Variants in PCDH11X observed in about 807,000 individuals in gnomAD.
PCDH11X encodes the protein protocadherin 11 X-linked, also known as protocadherin-11 X-linked.
In PCDH11X, 18 loss-of-function variants were observed where a neutral mutation model predicts 53.3. That is an observed-to-expected ratio of 0.34 (90% CI 0.23 to 0.50). The LOEUF is 0.50. Ranked by LOEUF, PCDH11X falls within the 20% of genes least tolerant of loss-of-function variation. The probability of loss-of-function intolerance (pLI) is 0.98; values close to 1 mark genes in which losing one functional copy is unlikely to be tolerated. For missense variants in PCDH11X, 570 were observed against 1,032.4 expected (o/e 0.55, Z 6.14); for synonymous variants, 279 against 393.3 (o/e 0.71, Z 3.44).
intron 6 of PCDH11X, among the ~76,000 whole-genome samples, chrX:92,198,903 A>G (rs184887634): frequency 3.9e-3 from 438 of 111,641 alleles, no homozygotes; most frequent in African/African-American, 0.013. Context: ...CTCTTCATCA[A>G]TGCTTCTTAT....
chrX:92,193,226 T>G (rs2066230964), intron 6 of PCDH11X, among the ~76,000 whole-genome samples: 1 of 112,172 alleles, frequency 8.9e-6, no homozygotes, highest in Admixed American at 9.5e-5. Flanking sequence ...TTTTATGTGT[T>G]TGTGTTCTAG....
chrX:91,991,354 T>A (rs1160903962), intron 6 of PCDH11X, among the ~76,000 whole-genome samples: 2 of 79,287 alleles, frequency 2.5e-5, no homozygotes, highest in Admixed American at 1.4e-4. Flanking sequence ...AAGACTTTCT[T>A]TTTTTTTTTT....
intron 6 of PCDH11X, among the ~76,000 whole-genome samples, chrX:92,132,655 A>G (rs199653478): frequency 4.1e-4 from 23 of 55,488 alleles, no homozygotes; most frequent in Admixed American, 1.5e-3. Flanking sequence ...ATATATATAT[A>G]TGTATATATA....
intron 6 of PCDH11X, among the ~76,000 whole-genome samples, chrX:91,926,872 G>A (rs1241461201): frequency 1.8e-5 from 2 of 110,530 alleles, no homozygotes; most frequent in Admixed American, 9.7e-5. Flanking sequence ...TTTAACTATA[G>A]TCATCCTACA....
chrX:92,402,817 T>A (rs907643052), intron 9 of PCDH11X, among the ~76,000 whole-genome samples: 1 of 111,331 alleles, frequency 9.0e-6, no homozygotes, highest in Non-Finnish European at 1.9e-5. Flanking sequence ...AAAATAACTA[T>A]CAATAGAGTA....
intron 9 of PCDH11X, among the ~76,000 whole-genome samples, chrX:92,441,749 C>T (rs1369707715): frequency 1.8e-5 from 2 of 111,840 alleles, no homozygotes; most frequent in Non-Finnish European, 3.8e-5. Flanking sequence ...GGGGTCGGCA[C>T]CCACACACAG....
intron 10 of PCDH11X, among the ~76,000 whole-genome samples, chrX:92,611,947 A>G (rs1237147170): frequency 1.9e-5 from 2 of 103,706 alleles, no homozygotes; most frequent in East Asian, 6.0e-4. Flanking sequence ...CACAGTCTTC[A>G]CGGTCAATTA....
intron 6 of PCDH11X, among the ~76,000 whole-genome samples, chrX:91,954,019 G>A (rs1333928478): frequency 9.1e-6 from 1 of 110,086 alleles, no homozygotes; most frequent in Non-Finnish European, 1.9e-5. Flanking sequence ...TGTTACATAG[G>A]AAAACGTGTC....
At chrX:91,789,051 A>C (rs1250745328) in intron 1 of PCDH11X, among the ~76,000 whole-genome samples, 1 of 107,214 alleles carries the variant, frequency 9.3e-6, no homozygotes, top group Non-Finnish European at 1.9e-5. Context: ...AAATTACAAA[A>C]ATTAGCTGGG....
intron 8 of PCDH11X, among the ~76,000 whole-genome samples, chrX:92,343,293 G>T (rs145532212): frequency 0.02 from 2,276 of 111,392 alleles, 52 homozygotes; most frequent in African/African-American, 0.07. Context: ...AAGAATATTG[G>T]TATAAGCCTA....
chrX:91,900,563 C>T (rs1940915767), intron 6 of PCDH11X, among the ~76,000 whole-genome samples: 1 of 109,928 alleles, frequency 9.1e-6, no homozygotes, highest in Admixed American at 9.8e-5. Context: ...TTCTATCAAT[C>T]CAGCTGCTTC....
At chrX:91,822,666 T>C (rs1279891785) in intron 4 of PCDH11X, among the ~76,000 whole-genome samples, 1 of 104,321 alleles carries the variant, frequency 9.6e-6, no homozygotes, top group Admixed American at 1.0e-4. Flanking sequence ...TTTGTGTCTC[T>C]ATTTCCTTCA....
At chrX:92,534,230 C>T (rs2074613230) in intron 10 of PCDH11X, among the ~76,000 whole-genome samples, 1 of 111,044 alleles carries the variant, frequency 9.0e-6, no homozygotes, top group Non-Finnish European at 1.9e-5. Context: ...GAGCTGAAAA[C>T]CATGGCACGA....
chrX:92,069,276 G>A (rs1446489844), intron 6 of PCDH11X, among the ~76,000 whole-genome samples: 3 of 108,186 alleles, frequency 2.8e-5, no homozygotes, highest in Non-Finnish European at 5.7e-5. Context: ...TTTGTCTAAT[G>A]TCACTATACA....
intron 8 of PCDH11X, among the ~76,000 whole-genome samples, chrX:92,311,133 T>C (rs908047226): frequency 1.8e-5 from 2 of 110,755 alleles, no homozygotes; most frequent in African/African-American, 6.6e-5. Flanking sequence ...AAATGTAAAA[T>C]GAGGATGATA....
At chrX:92,333,046 G>A (rs1330045529) in intron 8 of PCDH11X, among the ~76,000 whole-genome samples, 5 of 110,523 alleles carry the variant, frequency 4.5e-5, no homozygotes, top group African/African-American at 1.3e-4. Flanking sequence ...TATGCAACAT[G>A]TACATGGGAG....
chrX:92,541,462 A>G (rs1185379021), intron 10 of PCDH11X, among the ~76,000 whole-genome samples: 1 of 110,799 alleles, frequency 9.0e-6, no homozygotes. Flanking sequence ...TGTTTCTCCT[A>G]TCCTTTTTAA....
intron 7 of PCDH11X, among the ~76,000 whole-genome samples, chrX:92,211,872 G>A (rs1222797672): frequency 9.0e-6 from 1 of 111,245 alleles, no homozygotes; most frequent in Non-Finnish European, 1.9e-5. Context: ...CAACACTAGT[G>A]TCTTTACTTA....
rs1441145223 is a variant in PCDH11X, at chrX:92,567,034, G to A, written c.3368-51230G>A. Among the ~76,000 whole-genome samples, 4 of 103,312 alleles carry A rather than the reference G, an allele frequency of 3.9e-5. 1 individual carries two copies. Among genetic ancestry groups the A allele is most frequent in the Middle Eastern group, 9.1e-3 (2 of 220 alleles). 89.7% of individuals were successfully genotyped at this position (103,312 alleles called of 115,157 possible). On this transcript the variant is annotated intron_variant, in intron 10 of 10. Coordinates refer to ENST00000682573, the MANE Select transcript of PCDH11X (RefSeq NM_032968.5). ...CTGTTTTGGTTACCGTAGCCTTGTA[G>A]TATAGTTTGAAGTCAGATAGCATGA...
Sources: allele counts gnomAD v4.1 joint callset (sites outside exome capture counted in the v4.1 genomes callset), GRCh38; gene constraint gnomAD v4.1.1; transcripts MANE v1.5; gene names NCBI Gene and HGNC (gene_info 2026-07-23, HGNC 2026-07-21).